The following TRPM1 variants were observed in gnomAD, a reference collection of about 807,000 sequenced individuals.
TRPM1 encodes TRPM1-203 APA Isoform, Intron 10.
TRPM1 carries 113 observed loss-of-function variants against 149.4 expected under a neutral mutation model. That is an observed-to-expected ratio of 0.76 (90% CI 0.65 to 0.88). The LOEUF (loss-of-function observed/expected upper bound fraction) is 0.88. Among genes scored for constraint, TRPM1 ranks in the 40% least tolerant of loss-of-function variants. The pLI is 0.00. For synonymous variants in TRPM1, 741 were observed against 759.5 expected (o/e 0.98, Z 0.40); for missense variants, 1,976 against 2,038.7 (o/e 0.97, Z 0.59).
intron 1 of TRPM1, among the ~76,000 whole-genome samples, chr15:31,094,424 A>G (rs2035323682): frequency 6.6e-6 from 1 of 152,232 alleles, no homozygotes; most frequent in South Asian, 2.1e-4. Flanking sequence ...AAGGAAAAAA[A>G]CCCACAACCT....
At chr15:31,050,384 G>C in intron 12 of TRPM1, 25 bp downstream of exon 12, 5 of 1,614,106 alleles carry the variant, frequency 3.1e-6, no homozygotes, top group Non-Finnish European at 4.2e-6. Context: ...TGCCAAGCTC[G>C]TGATCTCTGT....
At chr15:31,134,011 C>T (rs1441209587) in intron 1 of TRPM1, among the ~76,000 whole-genome samples, 1 of 152,164 alleles carries the variant, frequency 6.6e-6, no homozygotes, top group African/African-American at 2.4e-5. Context: ...AAGTAAGCGG[C>T]CCTCTGGGAA....
intron 1 of TRPM1, among the ~76,000 whole-genome samples, chr15:31,097,392 G>A (rs1191545601): frequency 6.6e-6 from 1 of 152,162 alleles, no homozygotes; most frequent in East Asian, 1.9e-4. Context: ...TTGGTGGCCG[G>A]CTTGGCTGAG....
intron 1 of TRPM1, among the ~76,000 whole-genome samples, chr15:31,155,145 C>T (rs1378847): frequency 0.19 from 29,311 of 152,114 alleles, 2,879 homozygotes; most frequent in Middle Eastern, 0.29. Context: ...CCTATGTGAG[C>T]GTACATGAAA....
chr15:31,099,923 G>A (rs2035475998), intron 1 of TRPM1, among the ~76,000 whole-genome samples: 1 of 152,148 alleles, frequency 6.6e-6, no homozygotes, highest in Admixed American at 6.5e-5. Flanking sequence ...TGCACTCATA[G>A]AGAGGCAGGG....
intron 1 of TRPM1, among the ~76,000 whole-genome samples, chr15:31,129,614 G>C (rs1229275141): frequency 6.6e-6 from 1 of 152,222 alleles, no homozygotes; most frequent in East Asian, 1.9e-4. Context: ...TGCTTAGAAT[G>C]GTCTTATAAA....
intron 11 of TRPM1, among the ~76,000 whole-genome samples, chr15:31,059,471 T>A (rs555282585): frequency 6.6e-6 from 1 of 152,318 alleles, no homozygotes; most frequent in South Asian, 2.1e-4. Context: ...AGTGGTGCAG[T>A]CACAGCTAAC....
chr15:31,100,761 T>C (rs994724321), intron 1 of TRPM1, among the ~76,000 whole-genome samples: 1 of 152,248 alleles, frequency 6.6e-6, no homozygotes, highest in Non-Finnish European at 1.5e-5. Context: ...CCTTTTTCTC[T>C]GTCATTTTAA....
In TRPM1 at chr15:31,026,951, T is replaced by C; in HGVS notation, c.3460A>G (p.Arg1154Gly). 10 of 1,614,144 alleles carry C rather than the reference T, an allele frequency of 6.2e-6. No homozygotes were observed. The highest frequency in any genetic ancestry group is 8.5e-6 in the Non-Finnish European group (10 of 1,180,024). Residue 1154 changes from arginine (R) to glycine (G), a missense_variant, in exon 26 of 28, where the codon AGA becomes GGA. Arg to Gly is a moderately radical substitution (Grantham distance 125). This residue lies in a region of TRPM1 where 572 missense variants were observed against 578.9 expected (regional missense o/e 0.99). Coordinates refer to ENST00000256552, the MANE Select transcript of TRPM1 (RefSeq NM_001252024.2). Reference protein sequence around the residue: ...MRLSGRCRKKREGDQEERDRG... With the variant: ...MRLSGRCRKKGEGDQEERDRG... ...TCCCGTTCCTCTTGGTCCCCTTCTC[T>C]CTTTTTCCTGCAGCGGCCGCTGAGA... is the stretch of plus-strand genomic sequence containing the variant.
chr15:31,041,825 G>T, intron 17 of TRPM1, 126 bp downstream of exon 17: 2 of 1,075,942 alleles, frequency 1.9e-6, no homozygotes, highest in Non-Finnish European at 2.8e-6. Context: ...CAGACGAAGT[G>T]ATTTGTGAAC....
intron 1 of TRPM1, among the ~76,000 whole-genome samples, chr15:31,159,922 G>A (rs181740903): frequency 2.6e-5 from 4 of 152,260 alleles, no homozygotes; most frequent in East Asian, 1.9e-4. Flanking sequence ...TGGGCATGTC[G>A]TGGGTGCTCA....
chr15:31,044,057 T>C (rs1025981542), intron 16 of TRPM1, among the ~76,000 whole-genome samples: 6 of 152,156 alleles, frequency 3.9e-5, no homozygotes, highest in Admixed American at 3.3e-4. Context: ...GGAATAAACT[T>C]TGAAATCAAT....
intron 17 of TRPM1, among the ~76,000 whole-genome samples, chr15:31,041,738 CAA>C (rs1283761071): frequency 3.9e-5 from 6 of 152,232 alleles, no homozygotes; most frequent in African/African-American, 1.2e-4. Context: ...AATTTTGATG[CAA>C]AGAGAAGGCA....
At chr15:31,006,967 A>AT (rs2032013230) in intron 27 of TRPM1, among the ~76,000 whole-genome samples, 2 of 151,906 alleles carry the variant, frequency 1.3e-5, no homozygotes, top group African/African-American at 4.8e-5. Flanking sequence ...TTATTGGGCC[A>AT]TTTTTTCCAT....
intron 1 of TRPM1, among the ~76,000 whole-genome samples, chr15:31,095,135 T>A (rs1054551303): frequency 5.9e-5 from 9 of 152,264 alleles, no homozygotes; most frequent in South Asian, 2.1e-4. Context: ...ATATGTATGA[T>A]TCCATTTAGA....
In TRPM1 at chr15:31,001,799, A is replaced by T; in HGVS notation, c.*23T>A. 6.2e-7 allele frequency: 1 copy of T among 1,603,498 alleles called. No individual in the cohort carries two copies. Among genetic ancestry groups the T allele is most frequent in the Non-Finnish European group, 8.5e-7 (1 of 1,178,856 alleles). On this transcript the variant is annotated 3_prime_UTR_variant, in exon 28 of 28. Coordinates refer to ENST00000256552, the MANE Select transcript of TRPM1 (RefSeq NM_001252024.2). ...ATTAGTGGTTCTGACTGTTAAAAAA[A>T]AAAATTAAAGAAACAAAACAGACTA...
At chr15:31,024,335 C>T (rs1333626396) in intron 27 of TRPM1, among the ~76,000 whole-genome samples, 1 of 152,192 alleles carries the variant, frequency 6.6e-6, no homozygotes, top group African/African-American at 2.4e-5. Flanking sequence ...CATCCTCCCA[C>T]CTTATCCCTT....
intron 7 of TRPM1, among the ~76,000 whole-genome samples, chr15:31,064,297 A>C (rs981911494): frequency 6.6e-6 from 1 of 152,236 alleles, no homozygotes. Context: ...CACTTGGACC[A>C]CTAGTGGCCC....
At position 31,002,991 on chromosome 15, in the gene TRPM1, G is replaced by C. The variant is rs1434157859; in HGVS notation, c.3709C>G (p.Leu1237Val). ...AATTCTTCTAGCTGAGCAAGTCGAAGGTCAACAGTCTGCAGGGAAGTTTTC... is the reference window on the plus strand; with the variant it reads ...AATTCTTCTAGCTGAGCAAGTCGAACGTCAACAGTCTGCAGGGAAGTTTTC... ...FMKTSLQTVD[L>V]RLAQLEELSN... Residue 1237 changes from leucine to valine, a missense_variant, in exon 28 of 28, where the codon CTT (leucine) becomes GTT (valine). Leu to Val is a conservative substitution (Grantham distance 32, BLOSUM62 1). This residue lies in a region of TRPM1 where 572 missense variants were observed against 578.9 expected (regional missense o/e 0.99). Transcript: ENST00000256552. 2 of 1,593,670 alleles carry C rather than the reference G, an allele frequency of 1.3e-6. No individual in the cohort carries two copies. Among genetic ancestry groups the C allele is most frequent in the African/African-American group, 2.7e-5 (2 of 73,714 alleles).
Sources: gnomAD v4.1 joint callset for allele counts (sites outside exome capture counted in the v4.1 genomes callset) on GRCh38, gnomAD v4.1.1 for gene constraint, gnomAD v4.1.1 regional missense constraint, MANE v1.5 for transcripts, NCBI Gene and HGNC (gene_info 2026-07-23, HGNC 2026-07-21) for gene names.